PCDHGA1: variants seen among roughly 807,000 people sequenced by gnomAD.
PCDHGA1 encodes the protein protocadherin gamma-A1.
PCDHGA1 carries 32 observed loss-of-function variants against 58.0 expected under a neutral mutation model. The observed-to-expected ratio is 0.55, with a 90% confidence interval of 0.42 to 0.74. The LOEUF (loss-of-function observed/expected upper bound fraction) is 0.74, where lower values mean the gene tolerates loss of function less well. Ranked by LOEUF, PCDHGA1 falls within the 30% of genes least tolerant of loss-of-function variation. The probability of loss-of-function intolerance (pLI) is 0.00; values close to 1 mark genes in which losing one functional copy is unlikely to be tolerated. For synonymous variants in PCDHGA1, 498 were observed against 501.1 expected (o/e 0.99, Z 0.08); for missense variants, 1,205 against 1,182.3 (o/e 1.02, Z -0.28).
intron 1 of PCDHGA1, chr5:141,350,692 AC>A (rs780794690): frequency 1.4e-4 from 225 of 1,612,578 alleles, no homozygotes; most frequent in Non-Finnish European, 1.8e-4. Context: ...AGTCAGCCTT[AC>A]CCGGGGTAAA....
chr5:141,475,202 G>T (rs746895166), intron 1 of PCDHGA1, among the ~76,000 whole-genome samples: 38 of 152,086 alleles, frequency 2.5e-4, no homozygotes, highest in Non-Finnish European at 5.3e-4. Context: ...CAAGATCTTG[G>T]GAAAAGGATT....
At chr5:141,352,653 C>G in intron 1 of PCDHGA1, 2 of 1,597,500 alleles carry the variant, frequency 1.3e-6, no homozygotes, top group Non-Finnish European at 1.7e-6. Context: ...GCTTATGACC[C>G]TTCTTTGTCT....
chr5:141,500,400 G>A (rs2099799942), intron 2 of PCDHGA1, among the ~76,000 whole-genome samples: 1 of 151,666 alleles, frequency 6.6e-6, no homozygotes, highest in East Asian at 1.9e-4. Context: ...TAGTAGAGAC[G>A]GGGTTTCACC....
At chr5:141,387,848 C>T (rs746271589) in intron 1 of PCDHGA1, 1 of 1,597,460 alleles carries the variant, frequency 6.3e-7, no homozygotes, top group South Asian at 1.1e-5. Flanking sequence ...AACCCGGCGT[C>T]TCCAGGCTGG....
At chr5:141,372,097 G>T in intron 1 of PCDHGA1, 1 of 1,613,808 alleles carries the variant, frequency 6.2e-7, no homozygotes, top group South Asian at 1.1e-5. Context: ...CCAGCTCTGG[G>T]GCCCGAAGGC....
intron 1 of PCDHGA1, among the ~76,000 whole-genome samples, chr5:141,433,790 T>A (rs1052636810): frequency 2.0e-5 from 3 of 151,564 alleles, no homozygotes; most frequent in South Asian, 4.2e-4. Flanking sequence ...TGAGCTGAGA[T>A]TGTGCCATTG....
intron 1 of PCDHGA1, chr5:141,374,330 A>T: frequency 6.2e-7 from 1 of 1,613,990 alleles, no homozygotes; most frequent in Non-Finnish European, 8.5e-7. Flanking sequence ...GCGAAACGGC[A>T]GCTTGGTCAC....
At chr5:141,333,222 T>C in intron 1 of PCDHGA1, 117 bp downstream of exon 1, 2 of 1,466,364 alleles carry the variant, frequency 1.4e-6, no homozygotes, top group Non-Finnish European at 1.9e-6. Flanking sequence ...TTTGTAGCTT[T>C]TTATTACAAG....
Position 141,413,755 on chromosome 5 carries a change from A to T in PCDHGA1, c.2421+80650A>T, listed in dbSNP as rs199577406. On this transcript the variant is annotated intron_variant, in intron 1 of 3. Transcript: ENST00000517417. ...AGTTCAGAGCCGTGCCAATGGCGTC[A>T]AGTACCCGGAGCTGGTACTGGAGCA... 1.6e-4 allele frequency: 266 copies of T among 1,612,936 alleles called. 3 individuals carry two copies. In the South Asian group the frequency reaches 2.3e-3, roughly 14 times the overall value.
chr5:141,375,138 G>A (rs778788428), intron 1 of PCDHGA1: 2 of 1,613,922 alleles, frequency 1.2e-6, no homozygotes. Context: ...GTTACATCTG[G>A]AAGCAGAACA....
At chr5:141,376,288 G>T (rs753554580) in intron 1 of PCDHGA1, 1 of 1,614,216 alleles carries the variant, frequency 6.2e-7, no homozygotes, top group Non-Finnish European at 8.5e-7. Context: ...TAGCGAGCAT[G>T]CCCGGCTCGC....
Position 141,491,586 on chromosome 5 carries a change from G to T in PCDHGA1, c.2422-3221G>T, listed in dbSNP as rs373990387. ...ACAGGACGTGCTTTTCACCGGCCTC[G>T]GACGGCAGTGACTTCACTTTTCTAA... On this transcript the variant is annotated intron_variant, in intron 1 of 3. Transcript: ENST00000517417. This position sits in a 1 kb window ranked among gnomAD's most constrained non-coding sequence, Gnocchi z 6.9. 2.1e-5 allele frequency: 34 copies of T among 1,613,792 alleles called. No individual in the cohort carries two copies. In the African/African-American group the frequency reaches 2.4e-4, roughly 11 times the overall value.
chr5:141,427,193 C>T (rs1427995075), intron 1 of PCDHGA1: 1 of 456,496 alleles, frequency 2.2e-6, no homozygotes, highest in Admixed American at 2.4e-5. Context: ...AATCCAAAGA[C>T]TTAATAGACT....
intron 1 of PCDHGA1, among the ~76,000 whole-genome samples, chr5:141,445,567 T>C (rs1465765772): frequency 6.6e-6 from 1 of 152,142 alleles, no homozygotes; most frequent in Admixed American, 6.5e-5. Context: ...AGAGAAAGCT[T>C]ATAGTAGGGA....
At chr5:141,419,747 C>T (rs1322393151) in intron 1 of PCDHGA1, 3 of 1,613,840 alleles carry the variant, frequency 1.9e-6, no homozygotes, top group Admixed American at 1.7e-5. Context: ...GCGCATGGTG[C>T]GTGCTTTGGG....
In PCDHGA1 at chr5:141,486,474, C is replaced by T. The variant is rs1594589698; in HGVS notation, c.2422-8333C>T. On this transcript the variant is annotated intron_variant, in intron 1 of 3. Transcript: ENST00000517417. This position sits in a 1 kb window ranked among gnomAD's most constrained non-coding sequence, Gnocchi z 5.0. ...ACTGCTTCTGATGCTGGGAACCCTCCTCTCAGTACCCACAGAACTATTTTC... is the reference window on the plus strand; with the variant it reads ...ACTGCTTCTGATGCTGGGAACCCTCTTCTCAGTACCCACAGAACTATTTTC... 1 of 1,614,016 alleles carries T rather than the reference C, an allele frequency of 6.2e-7. No homozygotes were observed. Among genetic ancestry groups the T allele is most frequent in the South Asian group, 1.1e-5 (1 of 91,082 alleles).
At chr5:141,468,428 T>C (rs936671539) in intron 1 of PCDHGA1, 11 of 151,374 alleles carry the variant, frequency 7.3e-5, no homozygotes, top group Non-Finnish European at 1.3e-4. Context: ...AGCAAGGTAA[T>C]AGCAAAATGT....
chr5:141,361,132 A>C (rs958485360), intron 1 of PCDHGA1: 1 of 1,613,986 alleles, frequency 6.2e-7, no homozygotes, highest in Admixed American at 1.7e-5. Context: ...CCACTGCAGT[A>C]TCCAAGTTGA....
At chr5:141,356,015 G>A in intron 1 of PCDHGA1, 1 of 1,613,926 alleles carries the variant, frequency 6.2e-7, no homozygotes, top group Non-Finnish European at 8.5e-7. Flanking sequence ...CCAGATGAAG[G>A]AGCCAATGGA....
Sources: gnomAD v4.1 joint callset for allele counts (sites outside exome capture counted in the v4.1 genomes callset) on GRCh38, gnomAD v4.1.1 for gene constraint, Gnocchi (gnomAD v3.1) non-coding constraint, MANE v1.5 for transcripts, NCBI Gene and HGNC (gene_info 2026-07-23, HGNC 2026-07-21) for gene names.